Variants in EPC2 observed in about 807,000 individuals in gnomAD.
EPC2 encodes the protein enhancer of polycomb homolog 2.
In EPC2, 14 loss-of-function variants were observed where a neutral mutation model predicts 92.1. That is an observed-to-expected ratio of 0.15 (90% CI 0.10 to 0.24). EPC2 has a LOEUF of 0.24. Among genes scored for constraint, EPC2 ranks in the 10% least tolerant of loss-of-function variants. The pLI, the probability that EPC2 is intolerant of heterozygous loss-of-function variation, is 1.00. For missense variants in EPC2, 755 were observed against 971.5 expected (o/e 0.78, Z 2.96); for synonymous variants, 340 against 334.7 (o/e 1.02, Z -0.17).
chr2:148,768,479 C>T (rs1313923380), intron 7 of EPC2, among the ~76,000 whole-genome samples: 1 of 152,194 alleles, frequency 6.6e-6, no homozygotes, highest in Non-Finnish European at 1.5e-5. Context: ...TAATATGTGA[C>T]AGCTTTCTGA....
intron 1 of EPC2, among the ~76,000 whole-genome samples, chr2:148,661,303 T>C (rs1306533730): frequency 2.6e-5 from 4 of 152,168 alleles, no homozygotes; most frequent in African/African-American, 9.7e-5. Context: ...CTATTTGGTA[T>C]TGTAAATGGA....
At chr2:148,782,575 TGAA>T (rs1488058685) in intron 11 of EPC2, among the ~76,000 whole-genome samples, 7 of 151,818 alleles carry the variant, frequency 4.6e-5, no homozygotes, top group Admixed American at 3.3e-4. Context: ...TTTTTTAAAA[TGAA>T]GAAGAAAATT....
chr2:148,743,513 C>A, intron 2 of EPC2, 109 bp from the exon 3 acceptor site: 2 of 782,540 alleles, frequency 2.6e-6, no homozygotes. Flanking sequence ...CCTGAGCTCC[C>A]CTTTAGTCAG....
chr2:148,690,245 A>G lies in EPC2; in HGVS notation c.185A>G (p.Gln62Arg). 1 of 1,606,870 alleles carries G rather than the reference A, an allele frequency of 6.2e-7. No individual in the cohort carries two copies. The highest frequency in any genetic ancestry group is 8.5e-7 in the Non-Finnish European group (1 of 1,178,096). Reference sequence around the variant, plus strand: ...CATTTACAGCGAGCAATTTCAGCACAGCAAGTGTTTAGAGAAAAAAAAGAG... The same window carrying G: ...CATTTACAGCGAGCAATTTCAGCACGGCAAGTGTTTAGAGAAAAAAAAGAG... The part of the protein sequence containing the change: ...EHHLQRAISA[Q>R]QVFREKKESM... The change falls in exon 2 of 14, where the codon CAG (glutamine) becomes CGG (arginine). Residue 62 changes from glutamine (Q) to arginine (R), a missense_variant. Gln to Arg is a conservative substitution (Grantham distance 43, BLOSUM62 1). Coordinates refer to ENST00000258484, the MANE Select transcript of EPC2 (RefSeq NM_015630.4).
At chr2:148,659,555 T>C (rs1042803321) in intron 1 of EPC2, among the ~76,000 whole-genome samples, 2 of 152,106 alleles carry the variant, frequency 1.3e-5, no homozygotes, top group African/African-American at 4.8e-5. Context: ...ATGTATTGAA[T>C]ATAAATAATA....
intron 1 of EPC2, among the ~76,000 whole-genome samples, chr2:148,666,961 T>G (rs555495232): frequency 6.6e-6 from 1 of 152,088 alleles, no homozygotes; most frequent in Non-Finnish European, 1.5e-5. Flanking sequence ...AGCACTCTTA[T>G]AAGTCTAAAC....
intron 4 of EPC2, among the ~76,000 whole-genome samples, chr2:148,757,812 G>T (rs1683220604): frequency 6.6e-6 from 1 of 151,964 alleles, no homozygotes. Flanking sequence ...TCCAGCCTGG[G>T]CAACAAGAGT....
intron 2 of EPC2, among the ~76,000 whole-genome samples, chr2:148,718,004 G>A (rs557207389): frequency 5.5e-4 from 83 of 152,184 alleles, no homozygotes; most frequent in African/African-American, 1.9e-3. Flanking sequence ...CATGCCCTTC[G>A]TTGTCTTTTT....
At chr2:148,656,027 G>T (rs867892628) in intron 1 of EPC2, among the ~76,000 whole-genome samples, 7,873 of 121,970 alleles carry the variant, frequency 0.065, 319 homozygotes, top group Middle Eastern at 0.12. Flanking sequence ...GTGTGTGTGG[G>T]GGGGGGGGGG....
At chr2:148,661,904 C>T (rs1680943008) in intron 1 of EPC2, among the ~76,000 whole-genome samples, 1 of 152,082 alleles carries the variant, frequency 6.6e-6, no homozygotes, top group Admixed American at 6.6e-5. Flanking sequence ...TGAGGTGTTA[C>T]TCTTTTCAAA....
intron 2 of EPC2, 67 bp from the exon 3 acceptor site, chr2:148,743,555 A>G (rs1682923024): frequency 1.5e-6 from 2 of 1,311,568 alleles, no homozygotes; most frequent in Admixed American, 3.1e-5. Context: ...TCTGCAGTCA[A>G]ATATGATGAA....
chr2:148,729,362 A>G (rs1682572949), intron 2 of EPC2, among the ~76,000 whole-genome samples: 2 of 152,114 alleles, frequency 1.3e-5, no homozygotes. Context: ...AGATTTACTG[A>G]AGAGTTGGCA....
In EPC2 at chr2:148,753,953, G is replaced by A. The variant is rs1162582996; in HGVS notation, c.486G>A (p.Leu162=). 1 of 1,611,302 alleles carries A rather than the reference G, an allele frequency of 6.2e-7. No homozygotes were observed. Among genetic ancestry groups the A allele is most frequent in the South Asian group, 1.1e-5 (1 of 90,404 alleles). The change falls in exon 4 of 14, where the codon CTG becomes CTA. Residue 162 remains leucine, a synonymous_variant. Transcript: ENST00000258484. ...NQLVTLQEAK[L]LLNEDDYLIK... is the part of the protein sequence containing the mutation. ...TTGTAACACTTCAAGAAGCAAAACT[G>A]CTGCTAAACGAAGATGATTACCTTA...
At chr2:148,664,822 TCACTC>T (rs1166292923) in intron 1 of EPC2, among the ~76,000 whole-genome samples, 1 of 152,252 alleles carries the variant, frequency 6.6e-6, no homozygotes, top group Non-Finnish European at 1.5e-5. Flanking sequence ...TATAAATAGT[TCACTC>T]CATTTTGTTG....
chr2:148,645,728 C>CA (rs1280917485), intron 1 of EPC2, among the ~76,000 whole-genome samples: 1 of 152,032 alleles, frequency 6.6e-6, no homozygotes, highest in Non-Finnish European at 1.5e-5. Context: ...CGGGGGAGGG[C>CA]GGGGGCCACG....
intron 2 of EPC2, among the ~76,000 whole-genome samples, chr2:148,735,426 C>A (rs891713556): frequency 2.6e-5 from 4 of 151,870 alleles, no homozygotes; most frequent in African/African-American, 9.7e-5. Flanking sequence ...ATGTAGATTA[C>A]CTTTTCCTAT....
chr2:148,694,400 A>G (rs1338400090), intron 2 of EPC2, among the ~76,000 whole-genome samples: 1 of 152,216 alleles, frequency 6.6e-6, no homozygotes, highest in East Asian at 1.9e-4. Context: ...TTATTGAATC[A>G]TAACACATTG....
At chr2:148,678,596 C>G (rs1681324109) in intron 1 of EPC2, among the ~76,000 whole-genome samples, 3 of 152,386 alleles carry the variant, frequency 2.0e-5, no homozygotes, top group Admixed American at 2.0e-4. Flanking sequence ...CACTGGTGGG[C>G]TGGCACTGCT....
Position 148,771,227 on chromosome 2 carries a change from C to A in EPC2, c.1560C>A (p.Ile520=). Residue 520 remains isoleucine (I), a synonymous_variant, in exon 10 of 14, where the codon ATC becomes ATA. Transcript: ENST00000258484. ...RLSLSEILSN[I]RSCRLQCFQP... is the part of the protein sequence containing the mutation. ...CTCTTTCTGAAATATTAAGCAATAT[C>A]AGATCATGTCGACTACAGTGTTTCC... 1.2e-6 allele frequency: 2 copies of A among 1,613,898 alleles called. No individual in the cohort carries two copies. Among genetic ancestry groups the A allele is most frequent in the Non-Finnish European group, 1.7e-6 (2 of 1,179,862 alleles).
Sources: gnomAD v4.1 joint callset for allele counts (sites outside exome capture counted in the v4.1 genomes callset) on GRCh38, gnomAD v4.1.1 for gene constraint, MANE v1.5 for transcripts, NCBI Gene and HGNC (gene_info 2026-07-23, HGNC 2026-07-21) for gene names.